Variants in VPS13B observed in about 807,000 individuals in gnomAD.
The protein encoded by VPS13B is vacuolar protein sorting 13 homolog B.
In VPS13B, 285 loss-of-function variants were observed where a neutral mutation model predicts 426.4. The observed-to-expected ratio is 0.67, with a 90% CI of 0.61 to 0.74. The LOEUF (loss-of-function observed/expected upper bound fraction) is 0.74, where lower values mean the gene tolerates loss of function less well. Ranked by LOEUF, VPS13B falls within the 30% of genes least tolerant of loss-of-function variation. The pLI is 0.00. For missense variants in VPS13B, 4,537 were observed against 4,782.6 expected (o/e 0.95, Z 1.51); for synonymous variants, 1,676 against 1,676.4 (o/e 1.00, Z 0.01).
chr8:99,448,417 A>G (rs1818033728), intron 23 of VPS13B, among the ~76,000 whole-genome samples: 1 of 152,154 alleles, frequency 6.6e-6, no homozygotes, highest in Admixed American at 6.6e-5. Flanking sequence ...TTGGTCTTAA[A>G]AAACTATAGA....
At chr8:99,542,812 GATA>G (rs1157711575) in intron 30 of VPS13B, among the ~76,000 whole-genome samples, 2 of 152,118 alleles carry the variant, frequency 1.3e-5, no homozygotes, top group Non-Finnish European at 2.9e-5. Flanking sequence ...AAACAGGGAT[GATA>G]ATACTACCTA....
intron 2 of VPS13B, among the ~76,000 whole-genome samples, chr8:99,037,891 A>G (rs1031249503): frequency 5.9e-5 from 9 of 151,512 alleles, no homozygotes; most frequent in African/African-American, 1.7e-4. Flanking sequence ...GTTATTTTCA[A>G]ATCTCCAATT....
intron 50 of VPS13B, among the ~76,000 whole-genome samples, chr8:99,822,407 A>G (rs947720424): frequency 6.6e-6 from 1 of 152,224 alleles, no homozygotes; most frequent in African/African-American, 2.4e-5. Flanking sequence ...TGTCTGGGCA[A>G]CACATGTTTA....
At chr8:99,220,780 C>CTTTTTTT (rs5893485) in intron 17 of VPS13B, among the ~76,000 whole-genome samples, 298 of 112,386 alleles carry the variant, frequency 2.7e-3, no homozygotes, top group Middle Eastern at 5.6e-3. Flanking sequence ...TAGTTTTATT[C>CTTTTTTT]TTTTTTTTTT....
intron 17 of VPS13B, among the ~76,000 whole-genome samples, chr8:99,243,236 C>T (rs1361807469): frequency 6.6e-6 from 1 of 152,096 alleles, no homozygotes; most frequent in Non-Finnish European, 1.5e-5. Flanking sequence ...AAATGAAAGG[C>T]AGTATGGTAT....
chr8:99,193,760 G>A (rs958851128), intron 17 of VPS13B, among the ~76,000 whole-genome samples: 2 of 152,050 alleles, frequency 1.3e-5, no homozygotes, highest in Non-Finnish European at 2.9e-5. Context: ...TGCTTTTGAA[G>A]GTTTTAATTT....
rs147650431 is a variant in VPS13B at position 99,696,492 on chromosome 8, C to T, written c.6047-3033C>T. 2.0e-3 allele frequency: 827 copies of T among 418,296 alleles called. 5 individuals carry two copies. Among genetic ancestry groups the T allele is most frequent in the African/African-American group, 0.015 (753 of 48,778 alleles). 25.9% of individuals were successfully genotyped at this position (418,296 alleles called of 1,614,324 possible). On this transcript the variant is annotated intron_variant, in intron 35 of 61. Transcript: ENST00000357162. Reference sequence around the variant, plus strand: ...CCGCGCCGACCTCCTCCGCTTGGTGCCGTTCCTTGTGTTCGTGGTTGTCCA... The same window carrying T: ...CCGCGCCGACCTCCTCCGCTTGGTGTCGTTCCTTGTGTTCGTGGTTGTCCA...
chr8:99,614,118 A>G (rs896822844), intron 33 of VPS13B: 2 of 152,178 alleles, frequency 1.3e-5, no homozygotes, highest in Admixed American at 1.3e-4. Flanking sequence ...AGTTAAATAA[A>G]CAATAAGAAA....
intron 33 of VPS13B, among the ~76,000 whole-genome samples, chr8:99,616,825 G>A (rs1322532714): frequency 6.6e-6 from 1 of 152,200 alleles, no homozygotes; most frequent in Non-Finnish European, 1.5e-5. Context: ...ATATAAATCT[G>A]TCTCTAGACA....
At chr8:99,423,313 GT>G (rs1816484298) in intron 21 of VPS13B, among the ~76,000 whole-genome samples, 1 of 151,730 alleles carries the variant, frequency 6.6e-6, no homozygotes. Flanking sequence ...CTGGAATGCA[GT>G]GGGGCAAACT....
intron 2 of VPS13B, among the ~76,000 whole-genome samples, chr8:99,023,323 A>G (rs1321849544): frequency 6.6e-6 from 1 of 151,946 alleles, no homozygotes; most frequent in East Asian, 1.9e-4. Flanking sequence ...TTTCAGCCCT[A>G]TGTATGAGAA....
chr8:99,100,288 A>G (rs1393926062), intron 4 of VPS13B, among the ~76,000 whole-genome samples: 2 of 148,424 alleles, frequency 1.3e-5, no homozygotes, highest in African/African-American at 5.3e-5. Flanking sequence ...AATGGAAAGA[A>G]AAAAAAATAT....
chr8:99,626,801 A>G (rs1296587153), intron 33 of VPS13B, among the ~76,000 whole-genome samples: 1 of 152,218 alleles, frequency 6.6e-6, no homozygotes, highest in African/African-American at 2.4e-5. Context: ...ACTGAAATCA[A>G]TATGCCAAAG....
At chr8:99,457,564 T>C (rs1220913204) in intron 23 of VPS13B, among the ~76,000 whole-genome samples, 1 of 152,148 alleles carries the variant, frequency 6.6e-6, no homozygotes, top group Non-Finnish European at 1.5e-5. Context: ...GTTGATTTTT[T>C]TCTATCTTTT....
chr8:99,190,763 ATGT>A (rs1813519925), intron 16 of VPS13B, among the ~76,000 whole-genome samples: 1 of 152,132 alleles, frequency 6.6e-6, no homozygotes, highest in Non-Finnish European at 1.5e-5. Context: ...ACTCTGAACT[ATGT>A]TGTTATGATT....
chr8:99,868,152 A>C, intron 58 of VPS13B, 137 bp from the exon 59 acceptor site: 1 of 1,022,240 alleles, frequency 9.8e-7, no homozygotes, highest in Admixed American at 2.1e-5. Flanking sequence ...TAACTGGTAA[A>C]CAAATGGGTA....
chr8:99,413,885 GA>G (rs1019233709), intron 21 of VPS13B, among the ~76,000 whole-genome samples: 3 of 152,162 alleles, frequency 2.0e-5, no homozygotes, highest in African/African-American at 7.2e-5. Context: ...ATGTGGTGCT[GA>G]AAAGAATGTA....
At chr8:99,599,224 G>A (rs190324974) in intron 33 of VPS13B, among the ~76,000 whole-genome samples, 169 of 152,026 alleles carry the variant, frequency 1.1e-3, no homozygotes, top group Non-Finnish European at 1.3e-3. Context: ...GTCCTCTCAA[G>A]GTTACTATTA....
intron 35 of VPS13B, among the ~76,000 whole-genome samples, chr8:99,682,456 AAGTAATTTGCAGAT>A (rs1012158371): frequency 6.6e-6 from 1 of 152,224 alleles, no homozygotes; most frequent in African/African-American, 2.4e-5. Flanking sequence ...TTTGTCAGAT[AAGTAATTTGCAGAT>A]ATTTTCTCCC....
Sources: allele counts gnomAD v4.1 joint callset (sites outside exome capture counted in the v4.1 genomes callset), GRCh38; gene constraint gnomAD v4.1.1; transcripts MANE v1.5; gene names NCBI Gene and HGNC (gene_info 2026-07-23, HGNC 2026-07-21).